The following SH3BGRL2 variants were observed in gnomAD, a reference collection of about 807,000 sequenced individuals.
SH3BGRL2 encodes SH3 domain-binding glutamic acid-rich-like protein 2.
In SH3BGRL2, 21 loss-of-function variants were observed where a neutral mutation model predicts 14.8. That is an observed-to-expected ratio of 1.42 (90% CI 1.01 to 2.05). SH3BGRL2 has a LOEUF of 2.05. Ranked by LOEUF, SH3BGRL2 falls within the 30% of genes most tolerant of loss-of-function variation. The probability of loss-of-function intolerance (pLI) is 0.00; values close to 1 mark genes in which losing one functional copy is unlikely to be tolerated. For synonymous variants in SH3BGRL2, 50 were observed against 47.8 expected (o/e 1.05, Z -0.19); for missense variants, 147 against 130.8 (o/e 1.12, Z -0.61).
the SH3BGRL2 span, among the ~76,000 whole-genome samples, chr6:79,566,607 C>T: frequency 6.6e-6 from 1 of 152,044 alleles, no homozygotes; most frequent in African/African-American, 2.4e-5. Context: ...CTTTGGAAAA[C>T]CAAAATTATA....
intron 1 of SH3BGRL2, among the ~76,000 whole-genome samples, chr6:79,662,635 T>C (rs532640045): frequency 6.6e-6 from 1 of 152,178 alleles, no homozygotes; most frequent in Non-Finnish European, 1.5e-5. Context: ...TTGGAGTTGC[T>C]CTTCTCGGGA....
chr6:79,641,018 C>T (rs1378505613), intron 1 of SH3BGRL2, among the ~76,000 whole-genome samples: 1 of 152,100 alleles, frequency 6.6e-6, no homozygotes, highest in East Asian at 1.9e-4. Flanking sequence ...AAACAAAAAA[C>T]CCAAAGAGCA....
chr6:79,651,529 A>G (rs1582719534), intron 1 of SH3BGRL2, among the ~76,000 whole-genome samples: 2 of 152,258 alleles, frequency 1.3e-5, no homozygotes, highest in Middle Eastern at 6.8e-3. Flanking sequence ...TCTTTTTTTA[A>G]TGCAGACTAA....
At chr6:79,634,608 C>T (rs1310721442) in intron 1 of SH3BGRL2, among the ~76,000 whole-genome samples, 1 of 152,070 alleles carries the variant, frequency 6.6e-6, no homozygotes, top group African/African-American at 2.4e-5. Context: ...ACTCATTCAA[C>T]AAGTATTTTC....
chr6:79,673,923 C>A, intron 2 of SH3BGRL2, 124 bp downstream of exon 2: 3 of 963,516 alleles, frequency 3.1e-6, no homozygotes, highest in Admixed American at 2.5e-5. Context: ...TTCAGATCCA[C>A]ATGTCTAACA....
At chr6:79,609,201 T>C in the SH3BGRL2 span, among the ~76,000 whole-genome samples, 1 of 152,200 alleles carries the variant, frequency 6.6e-6, no homozygotes, top group Non-Finnish European at 1.5e-5. Flanking sequence ...AGGTATGTAT[T>C]TGAGGCTGGT....
At chr6:79,689,842 T>C (rs761437582) in intron 2 of SH3BGRL2, among the ~76,000 whole-genome samples, 3 of 152,232 alleles carry the variant, frequency 2.0e-5, no homozygotes, top group Non-Finnish European at 4.4e-5. Flanking sequence ...GCACAATATT[T>C]TTGTGTTACC....
At chr6:79,557,151 G>C in the SH3BGRL2 span, among the ~76,000 whole-genome samples, 4 of 151,686 alleles carry the variant, frequency 2.6e-5, no homozygotes, top group African/African-American at 4.8e-5. Context: ...ACTACAAGGT[G>C]ACCAAGTAGA....
the SH3BGRL2 span, among the ~76,000 whole-genome samples, chr6:79,618,872 G>GC: frequency 6.1e-5 from 8 of 131,968 alleles, no homozygotes; most frequent in East Asian, 1.8e-3. Flanking sequence ...ATCCGAGAAT[G>GC]CCCCACTGGA....
At chr6:79,651,207 G>A (rs182211524) in intron 1 of SH3BGRL2, among the ~76,000 whole-genome samples, 1 of 152,238 alleles carries the variant, frequency 6.6e-6, no homozygotes, top group East Asian at 1.9e-4. Flanking sequence ...ACTATCCTCA[G>A]CAGGATTTCC....
intron 1 of SH3BGRL2, among the ~76,000 whole-genome samples, chr6:79,651,565 T>C (rs534517718): frequency 1.3e-5 from 2 of 151,412 alleles, no homozygotes; most frequent in African/African-American, 2.4e-5. Flanking sequence ...CACATGTTGA[T>C]GGAGAAAGTA....
At chr6:79,541,009 T>C in the SH3BGRL2 span, among the ~76,000 whole-genome samples, 169 of 152,156 alleles carry the variant, frequency 1.1e-3, no homozygotes, top group African/African-American at 3.9e-3. Context: ...TCCCAGCACT[T>C]TGGTAGGCCG....
chr6:79,649,985 TCACACACA>T (rs1554202291), intron 1 of SH3BGRL2, among the ~76,000 whole-genome samples: 6 of 141,980 alleles, frequency 4.2e-5, no homozygotes, highest in South Asian at 2.4e-4. Flanking sequence ...TCTCTCTCTC[TCACACACA>T]CACACACACA....
At chr6:79,550,263 G>A in the SH3BGRL2 span, among the ~76,000 whole-genome samples, 1 of 152,182 alleles carries the variant, frequency 6.6e-6, no homozygotes, top group Admixed American at 6.5e-5. Context: ...CTGGACTTTT[G>A]CAGCTACTGG....
intron 2 of SH3BGRL2, among the ~76,000 whole-genome samples, chr6:79,691,130 G>A (rs1770205222): frequency 6.6e-6 from 1 of 151,986 alleles, no homozygotes; most frequent in Non-Finnish European, 1.5e-5. Context: ...CTCCAGTCTG[G>A]GTGACAGAGT....
At position 79,631,472 on chromosome 6, in the gene SH3BGRL2, G is replaced by A; in HGVS notation, c.11G>A (p.Arg4His). Residue 4 changes from arginine to histidine, a missense_variant, in exon 1 of 4, where the codon CGC becomes CAC. Arg to His is a conservative substitution (Grantham distance 29). Coordinates refer to ENST00000369838, the MANE Select transcript of SH3BGRL2 (RefSeq NM_031469.4). Reference protein sequence around the residue: MVIRVFIASSSGFV... With the variant: MVIHVFIASSSGFV... The stretch of plus-strand genomic sequence containing the variant: ...GGGCGCAGCGAGAGGATGGTCATCC[G>A]CGTGTTCATCGCCTCTTCCTCGGGC... 1.3e-6 allele frequency: 2 copies of A among 1,509,862 alleles called. No homozygotes were observed. Among genetic ancestry groups the A allele is most frequent in the Non-Finnish European group, 1.8e-6 (2 of 1,127,520 alleles). 93.5% of individuals were successfully genotyped at this position (1,509,862 alleles called of 1,614,324 possible).
the SH3BGRL2 span, among the ~76,000 whole-genome samples, chr6:79,578,887 G>A: frequency 6.6e-6 from 1 of 152,168 alleles, no homozygotes; most frequent in Non-Finnish European, 1.5e-5. Context: ...CCATTGAAAG[G>A]AAGATAAAAA....
intron 1 of SH3BGRL2, among the ~76,000 whole-genome samples, chr6:79,646,256 G>A (rs9359386): frequency 0.098 from 14,967 of 152,216 alleles, 1,059 homozygotes; most frequent in East Asian, 0.32. Context: ...GACTCAGACT[G>A]CTTTAAAACT....
the SH3BGRL2 span, among the ~76,000 whole-genome samples, chr6:79,610,943 G>A: frequency 0.094 from 14,281 of 152,252 alleles, 830 homozygotes; most frequent in Non-Finnish European, 0.13. Context: ...AATTGAGTCT[G>A]TATTCTAGTC....
Sources: gnomAD v4.1 joint callset for allele counts (sites outside exome capture counted in the v4.1 genomes callset) on GRCh38, gnomAD v4.1.1 for gene constraint, MANE v1.5 for transcripts, NCBI Gene and HGNC (gene_info 2026-07-23, HGNC 2026-07-21) for gene names.